CAST: variants seen among roughly 807,000 people sequenced by gnomAD.
The protein encoded by CAST is calpastatin, also known as MIR583 host.
Under a neutral mutation model 119.6 loss-of-function variants are expected in CAST, and 76 were observed. That is an observed-to-expected ratio of 0.64 (90% CI 0.53 to 0.77). The LOEUF (loss-of-function observed/expected upper bound fraction) is 0.77, where lower values mean the gene tolerates loss of function less well. Among genes scored for constraint, CAST ranks in the 30% least tolerant of loss-of-function variants. CAST has a pLI of 0.00. For synonymous variants in CAST, 319 were observed against 331.6 expected, an observed-to-expected ratio of 0.96 and a Z score of 0.41; for missense variants, 953 against 946.5, an observed-to-expected ratio of 1.01 and a Z score of -0.09.
At chr5:96,374,524 T>G in the CAST span, among the ~76,000 whole-genome samples, 2 of 152,334 alleles carry the variant, frequency 1.3e-5, no homozygotes, top group South Asian at 4.1e-4. Context: ...TACTGTACTA[T>G]GCACTAGACT....
chr5:96,701,191 G>A (rs1050421856), intron 3 of CAST, among the ~76,000 whole-genome samples: 10 of 152,130 alleles, frequency 6.6e-5, no homozygotes, highest in Admixed American at 2.0e-4. Flanking sequence ...GCCTCCCAAA[G>A]TGGTGGGATT....
intron 3 of CAST, among the ~76,000 whole-genome samples, chr5:96,714,407 C>T (rs1207263315): frequency 6.6e-6 from 1 of 152,110 alleles, no homozygotes; most frequent in Non-Finnish European, 1.5e-5. Flanking sequence ...ATTCTCAAGG[C>T]CAACAGTTTT....
At chr5:95,975,792 G>A in the CAST span, among the ~76,000 whole-genome samples, 1 of 152,136 alleles carries the variant, frequency 6.6e-6, no homozygotes, top group Admixed American at 6.6e-5. Flanking sequence ...ACCAGGCATG[G>A]TCTACCTAGG....
chr5:96,622,034 A>T (rs1251662419), intron 1 of CAST, among the ~76,000 whole-genome samples: 1 of 143,788 alleles, frequency 7.0e-6, no homozygotes, highest in Non-Finnish European at 1.5e-5. Context: ...CAGTGGCGCA[A>T]TCTCGGCTCA....
At chr5:96,741,880 C>T (rs62364733) in intron 15 of CAST, 3,812 of 271,432 alleles carry the variant, frequency 0.014, 40 homozygotes, top group Middle Eastern at 0.028. Flanking sequence ...GAACATAAAA[C>T]CTTCAAGTTT....
At chr5:96,707,136 A>G (rs10866771) in intron 3 of CAST, among the ~76,000 whole-genome samples, 69,427 of 152,002 alleles carry the variant, frequency 0.46, 16,219 homozygotes, top group Non-Finnish European at 0.5. Context: ...TTTGGCAGCT[A>G]CCACCTGGTA....
At chr5:96,352,856 A>C in the CAST span, among the ~76,000 whole-genome samples, 1 of 152,002 alleles carries the variant, frequency 6.6e-6, no homozygotes, top group Non-Finnish European at 1.5e-5. Context: ...AAAGTGTGGC[A>C]CTTCCCCCCT....
rs1387766057 is a variant in CAST at position 96,742,698 on chromosome 5, T to G, written c.1142T>G (p.Leu381Arg). 1.2e-6 allele frequency: 2 copies of G among 1,613,964 alleles called. No individual in the cohort carries two copies. The change falls in exon 16 of 32, where the codon CTG becomes CGG. Residue 381 changes from leucine to arginine, a missense_variant. Leu to Arg is a moderately radical substitution (Grantham distance 102). Coordinates refer to ENST00000675179, the MANE Select transcript of CAST (RefSeq NM_001750.7). ...GCACTCGAGGCTCTGTCGGCTTCAC[T>G]GGGCACCCGGCAAGCAGAACCTGAG... Reference protein sequence around the residue: ...DQALEALSASLGTRQAEPELD... With the variant: ...DQALEALSASRGTRQAEPELD...
the CAST span, among the ~76,000 whole-genome samples, chr5:96,455,602 CA>C: frequency 1.3e-5 from 2 of 152,198 alleles, no homozygotes; most frequent in Non-Finnish European, 2.9e-5. Flanking sequence ...AGCATGTCTA[CA>C]GCCTTTCTCC....
chr5:96,488,367 T>TA, the CAST span, among the ~76,000 whole-genome samples: 19 of 151,234 alleles, frequency 1.3e-4, no homozygotes, highest in South Asian at 4.2e-4. Flanking sequence ...AAGAAACAGC[T>TA]AAAAAAAAAC....
the CAST span, among the ~76,000 whole-genome samples, chr5:96,181,021 T>A: frequency 2.6e-5 from 4 of 152,186 alleles, no homozygotes; most frequent in Admixed American, 6.5e-5. Flanking sequence ...TATTATTGAG[T>A]ACTTTTCTTT....
At chr5:96,395,649 G>A in the CAST span, among the ~76,000 whole-genome samples, 1 of 152,148 alleles carries the variant, frequency 6.6e-6, no homozygotes, top group East Asian at 1.9e-4. Flanking sequence ...CAGGGAGTAG[G>A]GGGCAAGGGG....
intron 3 of CAST, among the ~76,000 whole-genome samples, chr5:96,710,090 C>T (rs913689952): frequency 6.6e-5 from 10 of 152,086 alleles, no homozygotes; most frequent in Admixed American, 5.2e-4. Flanking sequence ...AGCATGTATG[C>T]CTTTGTCCCA....
the CAST span, among the ~76,000 whole-genome samples, chr5:96,272,787 T>G: frequency 8.5e-5 from 13 of 152,102 alleles, no homozygotes; most frequent in Middle Eastern, 3.2e-3. Flanking sequence ...ATAGTTAAGG[T>G]GATGGATATT....
the CAST span, among the ~76,000 whole-genome samples, chr5:96,477,570 T>C: frequency 1.3e-5 from 2 of 152,320 alleles, no homozygotes; most frequent in South Asian, 4.1e-4. Context: ...CAACATTCAA[T>C]AACGATGTCC....
At chr5:96,012,831 T>G in the CAST span, among the ~76,000 whole-genome samples, 1,166 of 152,310 alleles carry the variant, frequency 7.7e-3, 15 homozygotes, top group African/African-American at 0.027. Context: ...TTGTGCCATT[T>G]TTTTAGCATA....
the CAST span, among the ~76,000 whole-genome samples, chr5:96,242,143 C>T: frequency 3.4e-5 from 5 of 148,864 alleles, no homozygotes; most frequent in African/African-American, 1.2e-4. Flanking sequence ...CTTGCCCATG[C>T]CTATGTCCTG....
At chr5:96,714,424 TAAAG>T (rs531245710) in intron 3 of CAST, among the ~76,000 whole-genome samples, 113 of 152,284 alleles carry the variant, frequency 7.4e-4, no homozygotes, top group African/African-American at 2.5e-3. Context: ...TTTTTACAAA[TAAAG>T]AAAAGGTGCG....
intron 1 of CAST, among the ~76,000 whole-genome samples, chr5:96,564,685 G>A (rs918908991): frequency 2.7e-4 from 41 of 152,208 alleles, no homozygotes; most frequent in African/African-American, 8.2e-4. Context: ...TTGGGAGGCC[G>A]AGGTAGGCAG....
Sources: gnomAD v4.1 joint callset for allele counts (sites outside exome capture counted in the v4.1 genomes callset) on GRCh38, gnomAD v4.1.1 for gene constraint, MANE v1.5 for transcripts, NCBI Gene and HGNC (gene_info 2026-07-23, HGNC 2026-07-21) for gene names.